The following NPHP4 variants were observed in gnomAD, a reference collection of about 807,000 sequenced individuals.
The protein encoded by NPHP4 is nephrocystin-4.
In NPHP4, 151 loss-of-function variants were observed where a neutral mutation model predicts 155.8. That is an observed-to-expected ratio of 0.97 (90% CI 0.85 to 1.11). The LOEUF is 1.11. Ranked by LOEUF, NPHP4 falls within the 50% of genes least tolerant of loss-of-function variation. The probability of loss-of-function intolerance (pLI) is 0.00; values close to 1 mark genes in which losing one functional copy is unlikely to be tolerated. For synonymous variants in NPHP4, 845 were observed against 816.8 expected, an observed-to-expected ratio of 1.03 and a Z score of -0.59; for missense variants, 1,956 against 1,925.7, an observed-to-expected ratio of 1.02 and a Z score of -0.29.
At chr1:5,871,829 C>T (rs187042578) in intron 23 of NPHP4, among the ~76,000 whole-genome samples, 12 of 152,306 alleles carry the variant, frequency 7.9e-5, no homozygotes, top group East Asian at 5.8e-4. Context: ...CCCCAGCAGA[C>T]GATGCCGAGG....
chr1:5,946,395 A>G (rs889639971), intron 9 of NPHP4, among the ~76,000 whole-genome samples: 1 of 152,232 alleles, frequency 6.6e-6, no homozygotes, highest in Non-Finnish European at 1.5e-5. Context: ...TCATTTGTGC[A>G]AACTCAAGCT....
intron 11 of NPHP4, among the ~76,000 whole-genome samples, chr1:5,912,210 T>C (rs1047415301): frequency 2.6e-5 from 4 of 152,278 alleles, no homozygotes; most frequent in East Asian, 1.9e-4. Flanking sequence ...CCAGCCGGTG[T>C]GTGCAGAACT....
intron 17 of NPHP4, among the ~76,000 whole-genome samples, chr1:5,887,859 G>A (rs560758676): frequency 6.6e-6 from 1 of 152,326 alleles, no homozygotes; most frequent in East Asian, 1.9e-4. Context: ...AGCGTGTCTG[G>A]GACAGCGAGG....
chr1:5,902,769 A>T (rs928643280), intron 16 of NPHP4, among the ~76,000 whole-genome samples: 3 of 152,194 alleles, frequency 2.0e-5, no homozygotes, highest in African/African-American at 4.8e-5. Flanking sequence ...CTAAGTTTTG[A>T]TATGCAATAT....
intron 18 of NPHP4, among the ~76,000 whole-genome samples, chr1:5,883,489 C>T (rs968604096): frequency 2.0e-5 from 3 of 152,202 alleles, no homozygotes; most frequent in Admixed American, 6.5e-5. Context: ...TTTCTTCCCA[C>T]GGGAATTCAC....
chr1:5,899,348 T>C (rs1266287939), intron 16 of NPHP4, among the ~76,000 whole-genome samples: 1 of 152,102 alleles, frequency 6.6e-6, no homozygotes, highest in African/African-American at 2.4e-5. Context: ...ACGCTACTGC[T>C]ATAGACAGAA....
At chr1:5,966,391 ACACAC>A (rs2102216590) in intron 5 of NPHP4, among the ~76,000 whole-genome samples, 1 of 152,224 alleles carries the variant, frequency 6.6e-6, no homozygotes, top group East Asian at 1.9e-4. Context: ...AACTACAGGC[ACACAC>A]CACTACACCT....
chr1:5,889,075 G>C lies in NPHP4; in HGVS notation c.2305-1609C>G, dbSNP rs547826527. 6.6e-6 allele frequency among the ~76,000 whole-genome samples: 1 copy of C among 152,314 alleles called. No individual in the cohort carries two copies. Among genetic ancestry groups the C allele is most frequent in the South Asian group, 2.1e-4 (1 of 4,822 alleles). Reference sequence around the variant, plus strand: ...TCACACTGAAGGCAGCACAGGAGCCGTCCGTCCCTAGAGGAAACTCTTCTC... The same window carrying C: ...TCACACTGAAGGCAGCACAGGAGCCCTCCGTCCCTAGAGGAAACTCTTCTC... On this transcript the variant is annotated intron_variant, in intron 17 of 29. Coordinates refer to ENST00000378156, the MANE Select transcript of NPHP4 (RefSeq NM_015102.5). The surrounding 1 kb of genome is among the most constrained non-coding windows in gnomAD (Gnocchi z 4.2).
Position 5,978,284 on chromosome 1 carries a change from T to A in NPHP4, c.265A>T (p.Ile89Phe). The change falls in exon 3 of 30, where the codon ATC (isoleucine) becomes TTC (phenylalanine). Residue 89 changes from isoleucine to phenylalanine, a missense_variant. Ile to Phe is a conservative substitution (Grantham distance 21). Coordinates refer to ENST00000378156, the MANE Select transcript of NPHP4 (RefSeq NM_015102.5). ...VKPTKRPPSR[I>F]VFNEPLYFHT... Reference sequence around the variant, plus strand: ...CCAGGGCCCACCTCATTAAAGACGATCCTGGACGGCGGTCTCTTCGTCGGC... The same window carrying A: ...CCAGGGCCCACCTCATTAAAGACGAACCTGGACGGCGGTCTCTTCGTCGGC... 6.2e-7 allele frequency: 1 copy of A among 1,607,434 alleles called. No homozygotes were observed. Among genetic ancestry groups the A allele is most frequent in the Non-Finnish European group, 8.5e-7 (1 of 1,177,270 alleles).
At chr1:5,919,187 T>C (rs1463423527) in intron 11 of NPHP4, among the ~76,000 whole-genome samples, 1 of 152,246 alleles carries the variant, frequency 6.6e-6, no homozygotes, top group Non-Finnish European at 1.5e-5. Context: ...CAGAAAAAGT[T>C]TGCTGACCTC....
At chr1:5,907,812 C>T (rs1348114342) in intron 12 of NPHP4, among the ~76,000 whole-genome samples, 2 of 152,248 alleles carry the variant, frequency 1.3e-5, no homozygotes, top group East Asian at 3.8e-4. Context: ...ATAATAGTAC[C>T]TAAACTGCAG....
At chr1:5,877,363 A>C (rs767777443) in intron 19 of NPHP4, 65 bp from the exon 20 acceptor site, 21 of 1,393,296 alleles carry the variant, frequency 1.5e-5, no homozygotes, top group Non-Finnish European at 2.1e-5. Flanking sequence ...AGCAGACACC[A>C]GGGCAGGCCT....
At chr1:5,924,150 T>C (rs1220486251) in intron 11 of NPHP4, among the ~76,000 whole-genome samples, 1 of 152,034 alleles carries the variant, frequency 6.6e-6, no homozygotes, top group Non-Finnish European at 1.5e-5. Flanking sequence ...GAAAAGAACT[T>C]GAAGTGAACT....
rs1296757478 is a variant in NPHP4, at chr1:5,992,272, C to A, written c.-67G>T. The A allele has an allele frequency of 6.6e-6, 1 of 152,146 alleles. No homozygotes were observed. Among genetic ancestry groups the A allele is most frequent in the African/African-American group, 2.4e-5 (1 of 41,444 alleles). 9.4% of individuals were successfully genotyped at this position (152,146 alleles called of 1,614,324 possible). A position where few individuals can be genotyped will look rare whatever the true frequency, so the allele number is the denominator to read the frequency against. ...GGAGACCGACCCGCCGCGGCCGCGC[C>A]GGAGGCCACGGAGCCCACGCTTTTC... On this transcript the variant is annotated 5_prime_UTR_variant, in exon 1 of 30. Transcript: ENST00000378156.
chr1:5,888,215 T>C, intron 17 of NPHP4: 5 of 533,336 alleles, frequency 9.4e-6, no homozygotes, highest in Non-Finnish European at 1.2e-5. Flanking sequence ...CGGGCTCTTC[T>C]GCTGATCAGA....
intron 9 of NPHP4, among the ~76,000 whole-genome samples, chr1:5,945,229 A>G (rs890940289): frequency 2.3e-4 from 35 of 152,116 alleles, no homozygotes; most frequent in African/African-American, 8.4e-4. Flanking sequence ...GCCCCTGGGA[A>G]CCACACATCA....
chr1:5,909,971 C>T (rs1456566487), intron 11 of NPHP4, among the ~76,000 whole-genome samples: 1 of 152,220 alleles, frequency 6.6e-6, no homozygotes, highest in Non-Finnish European at 1.5e-5. Context: ...CCTCATGGCC[C>T]AGCAGACCCA....
At chr1:5,971,223 G>A (rs2102278803) in intron 3 of NPHP4, among the ~76,000 whole-genome samples, 1 of 152,228 alleles carries the variant, frequency 6.6e-6, no homozygotes, top group African/African-American at 2.4e-5. Context: ...TCTCCCTTCT[G>A]TTTACCACTA....
intron 16 of NPHP4, among the ~76,000 whole-genome samples, chr1:5,900,286 T>G (rs1231012055): frequency 6.6e-6 from 1 of 152,166 alleles, no homozygotes; most frequent in Admixed American, 6.5e-5. Context: ...TCATTCAAAA[T>G]TGCCAAAAAC....
Sources: gnomAD v4.1 joint callset for allele counts (sites outside exome capture counted in the v4.1 genomes callset) on GRCh38, gnomAD v4.1.1 for gene constraint, Gnocchi (gnomAD v3.1) non-coding constraint, MANE v1.5 for transcripts, NCBI Gene and HGNC (gene_info 2026-07-23, HGNC 2026-07-21) for gene names.